The following RBFOX1 variants were observed in gnomAD, a reference collection of about 807,000 sequenced individuals.
RBFOX1 encodes RNA binding fox-1 homolog 1.
RBFOX1 carries 8 observed loss-of-function variants against 57.7 expected under a neutral mutation model. The ratio of observed to expected loss-of-function variants is 0.14; its 90% CI spans 0.08 to 0.25. The LOEUF (loss-of-function observed/expected upper bound fraction) is 0.25. RBFOX1 is among the 10% of genes least tolerant of loss of function. The pLI is 1.00. For missense variants in RBFOX1, 611 were observed against 548.5 expected (o/e 1.11, Z -1.14); for synonymous variants, 326 against 222.4 (o/e 1.47, Z -4.15).
chr16:6,698,571 C>T (rs1239834073), intron 3 of RBFOX1, among the ~76,000 whole-genome samples: 1 of 152,180 alleles, frequency 6.6e-6, no homozygotes, highest in Admixed American at 6.6e-5. Flanking sequence ...TCATCATCGT[C>T]AATTAGTATT....
chr16:5,364,639 C>G (rs2065655538), intron 1 of RBFOX1, among the ~76,000 whole-genome samples: 1 of 152,150 alleles, frequency 6.6e-6, no homozygotes, highest in African/African-American at 2.4e-5. Flanking sequence ...GGAACCCATT[C>G]CTTTATGCCA....
At chr16:5,971,204 T>A (rs1399424491) in intron 4 of RBFOX1, among the ~76,000 whole-genome samples, 1 of 152,256 alleles carries the variant, frequency 6.6e-6, no homozygotes, top group East Asian at 1.9e-4. Flanking sequence ...ACTTATTATT[T>A]TTCCTCAAGG....
chr16:5,308,069 G>A (rs942690497), intron 1 of RBFOX1, among the ~76,000 whole-genome samples: 1 of 152,222 alleles, frequency 6.6e-6, no homozygotes, highest in Non-Finnish European at 1.5e-5. Flanking sequence ...GCCAGGTGTA[G>A]TGGCTCACGC....
intron 3 of RBFOX1, among the ~76,000 whole-genome samples, chr16:7,023,962 C>G (rs896969083): frequency 1.3e-5 from 2 of 152,118 alleles, no homozygotes; most frequent in Admixed American, 6.5e-5. Context: ...AGCTGTCACT[C>G]TCCTAGGGGA....
intron 2 of RBFOX1, among the ~76,000 whole-genome samples, chr16:6,565,285 C>G (rs561232430): frequency 6.7e-6 from 1 of 149,272 alleles, no homozygotes; most frequent in African/African-American, 2.4e-5. Context: ...GAGACAGAGT[C>G]TCACTCTGTT....
intron 1 of RBFOX1, among the ~76,000 whole-genome samples, chr16:5,458,046 A>G (rs1387885716): frequency 6.6e-6 from 1 of 152,228 alleles, no homozygotes; most frequent in African/African-American, 2.4e-5. Flanking sequence ...CTGGGCAGAA[A>G]AAAATGCTTT....
At chr16:7,628,564 A>T (rs1237787621) in intron 10 of RBFOX1, among the ~76,000 whole-genome samples, 1 of 152,122 alleles carries the variant, frequency 6.6e-6, no homozygotes, top group Non-Finnish European at 1.5e-5. Context: ...TAAAACTGGA[A>T]ATACCTGAGG....
chr16:5,588,642 G>C (rs2046909247), intron 2 of RBFOX1, among the ~76,000 whole-genome samples: 1 of 152,188 alleles, frequency 6.6e-6, no homozygotes, highest in Non-Finnish European at 1.5e-5. Flanking sequence ...GTGAGCAATG[G>C]ACAGCACTTT....
chr16:6,274,359 AC>A (rs2075562492), intron 1 of RBFOX1, among the ~76,000 whole-genome samples: 1 of 152,162 alleles, frequency 6.6e-6, no homozygotes, highest in Admixed American at 6.5e-5. Flanking sequence ...ACAAAATACA[AC>A]CCAGTAACAA....
intron 2 of RBFOX1, among the ~76,000 whole-genome samples, chr16:6,451,131 C>G (rs1479066269): frequency 6.6e-6 from 1 of 151,548 alleles, no homozygotes; most frequent in Non-Finnish European, 1.5e-5. Context: ...CAATTCAACA[C>G]AGTATTCTTT....
At chr16:6,791,455 A>T (rs1398576190) in intron 3 of RBFOX1, among the ~76,000 whole-genome samples, 4 of 152,164 alleles carry the variant, frequency 2.6e-5, no homozygotes, top group Non-Finnish European at 5.9e-5. Flanking sequence ...AAGAACTTCA[A>T]GATGGCGAAA....
At chr16:6,999,455 G>C (rs1174835126) in intron 3 of RBFOX1, among the ~76,000 whole-genome samples, 1 of 150,986 alleles carries the variant, frequency 6.6e-6, no homozygotes, top group Non-Finnish European at 1.5e-5. Context: ...TTTTATTTGA[G>C]ACGGAGTCTT....
chr16:6,256,419 C>A (rs922292466), intron 1 of RBFOX1, among the ~76,000 whole-genome samples: 1 of 150,494 alleles, frequency 6.6e-6, no homozygotes, highest in Non-Finnish European at 1.5e-5. Context: ...TCACCTGGAA[C>A]CCCTGACCCT....
rs1371241572 is a variant in RBFOX1 at position 6,381,151 on chromosome 16, AG to A, written c.-64+64095del. Among the ~76,000 whole-genome samples the A allele has an allele frequency of 4.6e-5, 7 of 152,318 alleles. No individual in the cohort carries two copies. The South Asian group carries it at 1.0e-3, about 23-fold the overall frequency. On this transcript the variant is annotated intron_variant, in intron 2 of 15. Coordinates refer to ENST00000550418, the MANE Select transcript of RBFOX1 (RefSeq NM_018723.4). ...GTCTGAGAGCTGGAGAAGAAGGAAT[AG>A]ATCCTAGAGACATTTTCATTTTTGT...
chr16:5,760,538 T>C (rs2053558326), intron 3 of RBFOX1, among the ~76,000 whole-genome samples: 1 of 151,978 alleles, frequency 6.6e-6, no homozygotes, highest in Non-Finnish European at 1.5e-5. Flanking sequence ...GATAAACAAA[T>C]CGTGGTGTAT....
intron 2 of RBFOX1, among the ~76,000 whole-genome samples, chr16:6,325,330 C>T (rs186166630): frequency 6.6e-6 from 1 of 152,244 alleles, no homozygotes; most frequent in East Asian, 1.9e-4. Flanking sequence ...GCACACCAAC[C>T]TGGAGGCAGC....
At chr16:6,557,127 A>G (rs575999951) in intron 2 of RBFOX1, among the ~76,000 whole-genome samples, 78 of 139,852 alleles carry the variant, frequency 5.6e-4, no homozygotes, top group African/African-American at 2.0e-3. Context: ...ATATACATAC[A>G]TATACATATA....
intron 1 of RBFOX1, among the ~76,000 whole-genome samples, chr16:6,205,282 G>A (rs2097247349): frequency 1.3e-5 from 2 of 152,160 alleles, no homozygotes; most frequent in Admixed American, 1.3e-4. Context: ...CTAGAAGAAA[G>A]GGAAGCTCTG....
rs75830295 is a variant in RBFOX1 at position 6,701,436 on chromosome 16, C to T, written c.-16+46786C>T. Reference sequence around the variant, plus strand: ...TGTTTTACATTGCTGTAAAGGAATACCTGAGATTGCATAATTTTTAAAGAA... The same window carrying T: ...TGTTTTACATTGCTGTAAAGGAATATCTGAGATTGCATAATTTTTAAAGAA... On this transcript the variant is annotated intron_variant, in intron 3 of 15. Transcript: ENST00000550418. 2.7e-3 allele frequency among the ~76,000 whole-genome samples: 405 copies of T among 152,264 alleles called. 4 individuals are homozygous for T. Among genetic ancestry groups the T allele is most frequent in the African/African-American group, 9.3e-3 (388 of 41,544 alleles).
Sources: gnomAD v4.1 joint callset for allele counts (sites outside exome capture counted in the v4.1 genomes callset) on GRCh38, gnomAD v4.1.1 for gene constraint, MANE v1.5 for transcripts, NCBI Gene and HGNC (gene_info 2026-07-23, HGNC 2026-07-21) for gene names.